SULT1C3: variants seen among roughly 807,000 people sequenced by gnomAD.
SULT1C3 encodes sulfotransferase 1C3.
Under a neutral mutation model 28.4 loss-of-function variants are expected in SULT1C3, and 31 were observed. That is an observed-to-expected ratio of 1.09 (90% CI 0.82 to 1.47). SULT1C3 has a LOEUF of 1.47. Ranked by LOEUF, SULT1C3 falls within the 40% of genes most tolerant of loss-of-function variation. The pLI is 0.00. For missense variants in SULT1C3, 307 were observed against 272.5 expected, an observed-to-expected ratio of 1.13 and a Z score of -0.89; for synonymous variants, 106 against 92.2, an observed-to-expected ratio of 1.15 and a Z score of -0.86.
At chr2:108,258,379 C>T (rs1675929815) in intron 5 of SULT1C3, among the ~76,000 whole-genome samples, 1 of 152,062 alleles carries the variant, frequency 6.6e-6, no homozygotes, top group Non-Finnish European at 1.5e-5. Flanking sequence ...CTGCATAGTG[C>T]AGCTATACAG....
At position 108,253,414 on chromosome 2, in the gene SULT1C3, C is replaced by A; in HGVS notation, c.371C>A (p.Pro124Gln). 1 of 1,557,424 alleles carries A rather than the reference C, an allele frequency of 6.4e-7. No homozygotes were observed. Among genetic ancestry groups the A allele is most frequent in the South Asian group, 1.3e-5 (1 of 79,662 alleles). The change falls in exon 4 of 8, where the codon CCA becomes CAA. Residue 124 changes from proline to glutamine, a missense_variant. Pro to Gln is a moderately conservative substitution (Grantham distance 76, BLOSUM62 -1). Transcript: ENST00000681802. Reference sequence around the variant, plus strand: ...ACACATCTCCCTTCACATCTGATTCCACCATCTATCTGGAAAGAAAACTGC... The same window carrying A: ...ACACATCTCCCTTCACATCTGATTCAACCATCTATCTGGAAAGAAAACTGC... ...IKTHLPSHLI[P>Q]PSIWKENCKI...
At chr2:108,242,792 GT>G (rs1675494514) in intron 1 of SULT1C3, among the ~76,000 whole-genome samples, 1 of 152,112 alleles carries the variant, frequency 6.6e-6, no homozygotes, top group East Asian at 1.9e-4. Context: ...CACCTCCTCT[GT>G]TTTTCCCAAG....
chr2:108,262,106 G>A (rs1676038540), downstream of SULT1C3, among the ~76,000 whole-genome samples: 1 of 152,064 alleles, frequency 6.6e-6, no homozygotes, highest in Non-Finnish European at 1.5e-5. Context: ...TGGTGATCCA[G>A]AGAAGAGATT....
At position 108,247,363 on chromosome 2, in the gene SULT1C3, T is replaced by A; in HGVS notation, c.169T>A (p.Ser57Thr). The A allele has an allele frequency of 6.5e-7, 1 of 1,549,790 alleles. No homozygotes were observed. The highest frequency in any genetic ancestry group is 8.7e-7 in the Non-Finnish European group (1 of 1,146,806). ...TCTTATTCTGGCAACTTACCCAAAG[T>A]CAGGTAAGGGTAGCAAAACATAAAA... ...DDLILATYPK[S>T]GTTWMHEILD... is the part of the protein sequence containing the mutation. The change falls in exon 2 of 8, where the codon TCA becomes ACA. Residue 57 changes from serine (S) to threonine (T), a missense_variant. Transcript: ENST00000681802.
At chr2:108,255,489 C>A (rs1286369292) in intron 4 of SULT1C3, 83 bp from the exon 5 acceptor site, 3 of 1,472,114 alleles carry the variant, frequency 2.0e-6, no homozygotes, top group African/African-American at 1.4e-5. Context: ...GATATGGTTA[C>A]CATTGTATTG....
Position 108,247,218 on chromosome 2 carries a change from TC to T in SULT1C3, c.27del (p.Thr10ArgfsTer14). 1 of 1,535,572 alleles carries T rather than the reference TC, an allele frequency of 6.5e-7. No individual in the cohort carries two copies. Among genetic ancestry groups the T allele is most frequent in the Non-Finnish European group, 8.8e-7 (1 of 1,137,752 alleles). Reference protein sequence around the residue: MAKIEKNAPTMEKKPELFN... With the variant: MAKIEKNAXTMEKKPELFN... ...CAATGGCGAAGATTGAGAAAAACGC[TC>T]CCACGATGGAAAAAAAGCCAGAACT... On this transcript the variant is annotated frameshift_variant, in exon 2 of 8. Coordinates refer to ENST00000681802, the MANE Select transcript of SULT1C3 (RefSeq NM_001320878.2). LOFTEE classifies it high-confidence loss of function.
At chr2:108,247,492 T>C in intron 2 of SULT1C3, 126 bp downstream of exon 2, 1 of 924,468 alleles carries the variant, frequency 1.1e-6, no homozygotes, top group Non-Finnish European at 1.5e-6. Context: ...GATCTGTTCT[T>C]TGGTGCTGCA....
In SULT1C3 at chr2:108,252,424, T is replaced by C. The variant is rs766576799; in HGVS notation, c.232T>C (p.Cys78Arg). ...MILNDGDVEKCKRAQTLDRHA... is the reference protein window; with the variant it reads ...MILNDGDVEKRKRAQTLDRHA... ...TCTAAATGATGGTGATGTGGAGAAA[T>C]GCAAAAGAGCCCAGACTCTAGATAG... Residue 78 changes from cysteine to arginine, a missense_variant, in exon 3 of 8, where the codon TGC becomes CGC. Coordinates refer to ENST00000681802, the MANE Select transcript of SULT1C3 (RefSeq NM_001320878.2). 2.5e-6 allele frequency: 4 copies of C among 1,612,428 alleles called. No individual in the cohort carries two copies. The highest frequency in any genetic ancestry group is 1.1e-5 in the South Asian group (1 of 90,936).
At chr2:108,258,682 C>A in intron 5 of SULT1C3, 52 bp from the exon 6 acceptor site, 2 of 1,350,348 alleles carry the variant, frequency 1.5e-6, no homozygotes, top group Non-Finnish European at 2.1e-6. Flanking sequence ...TACTTTATAG[C>A]CTTGGGTTTT....
chr2:108,253,409 G>T lies in SULT1C3; in HGVS notation c.366G>T (p.Leu122=). Residue 122 remains leucine (L), a synonymous_variant, in exon 4 of 8, where the codon CTG becomes CTT. Transcript: ENST00000681802. The part of the protein sequence containing the change: ...QLIKTHLPSH[L]IPPSIWKENC... ...TAAAAACACATCTCCCTTCACATCT[G>T]ATTCCACCATCTATCTGGAAAGAAA... 6.4e-7 allele frequency: 1 copy of T among 1,565,124 alleles called. No individual in the cohort carries two copies.
chr2:108,248,831 A>T lies in SULT1C3; in HGVS notation c.172+1465A>T, dbSNP rs1160360584. Among the ~76,000 whole-genome samples the T allele has an allele frequency of 1.4e-4, 22 of 152,150 alleles. 1 individual carries two copies. The highest frequency in any genetic ancestry group is 1.4e-3 in the Admixed American group (22 of 15,268). On this transcript the variant is annotated intron_variant, in intron 2 of 7. Coordinates refer to ENST00000681802, the MANE Select transcript of SULT1C3 (RefSeq NM_001320878.2). ...CCAAAAGGATTTTGCAGTTGCTATT[A>T]AACTATCTAATCAGCTGATATTAAA...
intron 2 of SULT1C3, among the ~76,000 whole-genome samples, chr2:108,251,674 T>C (rs1052869279): frequency 2.6e-5 from 4 of 152,016 alleles, no homozygotes; most frequent in Non-Finnish European, 5.9e-5. Context: ...GGGAGTACTA[T>C]AGGACAGCTG....
intron 2 of SULT1C3, among the ~76,000 whole-genome samples, chr2:108,249,016 A>G (rs1242294231): frequency 6.6e-6 from 1 of 152,134 alleles, no homozygotes; most frequent in Non-Finnish European, 1.5e-5. Flanking sequence ...AGTATCAACA[A>G]AACAGTTATC....
intron 5 of SULT1C3, among the ~76,000 whole-genome samples, 189 bp downstream of exon 5, chr2:108,255,887 C>A (rs1309265331): frequency 1.3e-5 from 2 of 151,954 alleles, no homozygotes; most frequent in Non-Finnish European, 2.9e-5. Flanking sequence ...AAATTGAGGT[C>A]AACTGGGGTC....
intron 2 of SULT1C3, among the ~76,000 whole-genome samples, 165 bp from the exon 3 acceptor site, chr2:108,252,200 T>C (rs1277701724): frequency 1.3e-5 from 2 of 152,000 alleles, no homozygotes; most frequent in Non-Finnish European, 2.9e-5. Context: ...GATAGATAGA[T>C]GGATAGATAG....
At chr2:108,256,948 A>G (rs558813566) in intron 5 of SULT1C3, among the ~76,000 whole-genome samples, 1 of 152,190 alleles carries the variant, frequency 6.6e-6, no homozygotes, top group South Asian at 2.1e-4. Context: ...GAGAGCAGGA[A>G]AAGTAGGAGG....
chr2:108,263,192 T>C (rs139652145), downstream of SULT1C3, among the ~76,000 whole-genome samples: 2 of 151,820 alleles, frequency 1.3e-5, no homozygotes, highest in East Asian at 3.9e-4. Flanking sequence ...CCTGGGGAGT[T>C]TCTTCAGAGC....
intron 4 of SULT1C3, among the ~76,000 whole-genome samples, chr2:108,253,861 T>C (rs752534925): frequency 1.3e-5 from 2 of 152,024 alleles, no homozygotes; most frequent in African/African-American, 4.8e-5. Context: ...CTCCATAATC[T>C]ACTCAATAAA....
At chr2:108,242,857 T>C (rs1675495846) in intron 1 of SULT1C3, among the ~76,000 whole-genome samples, 1 of 151,670 alleles carries the variant, frequency 6.6e-6, no homozygotes, top group South Asian at 2.1e-4. Context: ...GCATTAGGAG[T>C]GGTAAGACAA....
Sources: allele counts gnomAD v4.1 joint callset (sites outside exome capture counted in the v4.1 genomes callset), GRCh38; gene constraint gnomAD v4.1.1; transcripts MANE v1.5; gene names NCBI Gene and HGNC (gene_info 2026-07-23, HGNC 2026-07-21).